The following SLC24A4 variants were observed in gnomAD, a reference collection of about 807,000 sequenced individuals.
The protein encoded by SLC24A4 is solute carrier family 24 member 4, also known as sodium/potassium/calcium exchanger 4.
Under a neutral mutation model 79.0 loss-of-function variants are expected in SLC24A4, and 53 were observed. That is an observed-to-expected ratio of 0.67 (90% CI 0.54 to 0.84). The LOEUF (loss-of-function observed/expected upper bound fraction) is 0.84. SLC24A4 is among the 40% of genes least tolerant of loss of function. SLC24A4 has a pLI of 0.00. For synonymous variants in SLC24A4, 323 were observed against 323.8 expected, an observed-to-expected ratio of 1.00 and a Z score of 0.03; for missense variants, 731 against 822.0, an observed-to-expected ratio of 0.89 and a Z score of 1.35.
intron 2 of SLC24A4, among the ~76,000 whole-genome samples, chr14:92,331,193 T>C (rs1885456985): frequency 6.6e-6 from 1 of 152,238 alleles, no homozygotes; most frequent in Non-Finnish European, 1.5e-5. Flanking sequence ...AGGCTTTCCC[T>C]GGTAACCCAG....
At chr14:92,364,997 C>T (rs764218901) in intron 2 of SLC24A4, among the ~76,000 whole-genome samples, 8 of 152,212 alleles carry the variant, frequency 5.3e-5, no homozygotes, top group Non-Finnish European at 1.0e-4. Context: ...AGGACTTCTC[C>T]CTCCCTATCC....
rs745380992 is a variant in SLC24A4 at position 92,325,990 on chromosome 14, A to C, written c.241+12A>C. Reference sequence around the variant, plus strand: ...CTGCACAGATCCTGGTAAGAAATCAATTCTTCTCCACTCAGTCTACTAAGA... The same window carrying C: ...CTGCACAGATCCTGGTAAGAAATCACTTCTTCTCCACTCAGTCTACTAAGA... On this transcript the variant is annotated intron_variant, in intron 2 of 16. Transcript: ENST00000532405. 3 of 1,563,902 alleles carry C rather than the reference A, an allele frequency of 1.9e-6. No individual in the cohort carries two copies. Among genetic ancestry groups the C allele is most frequent in the Non-Finnish European group, 2.6e-6 (3 of 1,136,930 alleles).
intron 2 of SLC24A4, among the ~76,000 whole-genome samples, chr14:92,364,812 C>T (rs1236366393): frequency 6.6e-6 from 1 of 152,232 alleles, no homozygotes; most frequent in Non-Finnish European, 1.5e-5. Flanking sequence ...GCTCCTGCTC[C>T]ATCATAGCCA....
At chr14:92,447,244 TG>T in intron 8 of SLC24A4, 126 bp from the exon 9 acceptor site, 2 of 773,120 alleles carry the variant, frequency 2.6e-6, no homozygotes, top group Non-Finnish European at 2.2e-6. Context: ...GCCTGGGTTC[TG>T]GGCCCGGCAC....
chr14:92,487,025 C>T (rs1895405416), intron 14 of SLC24A4, among the ~76,000 whole-genome samples: 1 of 152,106 alleles, frequency 6.6e-6, no homozygotes, highest in African/African-American at 2.4e-5. Flanking sequence ...TGTATAAAAA[C>T]AAAAATGTTC....
chr14:92,447,017 AG>A (rs1448932542), intron 8 of SLC24A4, among the ~76,000 whole-genome samples: 9 of 152,092 alleles, frequency 5.9e-5, no homozygotes, highest in African/African-American at 2.2e-4. Flanking sequence ...AGGGTCTCTC[AG>A]GGTCGAGTTT....
intron 2 of SLC24A4, among the ~76,000 whole-genome samples, chr14:92,336,535 G>A (rs149052585): frequency 5.9e-4 from 90 of 152,310 alleles, no homozygotes; most frequent in African/African-American, 2.0e-3. Flanking sequence ...AGCACAGTGT[G>A]TGGCTCCAGC....
intron 12 of SLC24A4, among the ~76,000 whole-genome samples, chr14:92,458,445 A>G (rs1358905610): frequency 6.6e-6 from 1 of 152,146 alleles, no homozygotes; most frequent in Non-Finnish European, 1.5e-5. Context: ...GGCCCTGCTC[A>G]GCCAGTCTGG....
At chr14:92,479,051 A>C (rs1894920148) in intron 12 of SLC24A4, among the ~76,000 whole-genome samples, 1 of 152,236 alleles carries the variant, frequency 6.6e-6, no homozygotes, top group South Asian at 2.1e-4. Context: ...ATATCTTACA[A>C]ATTGGCTGAA....
intron 2 of SLC24A4, among the ~76,000 whole-genome samples, chr14:92,356,635 G>C (rs1346292370): frequency 2.0e-5 from 3 of 152,216 alleles, no homozygotes; most frequent in Non-Finnish European, 4.4e-5. Context: ...ATTAATACAT[G>C]TAAGTCACAT....
intron 2 of SLC24A4, among the ~76,000 whole-genome samples, chr14:92,334,081 C>A (rs1302903563): frequency 1.3e-5 from 2 of 152,216 alleles, no homozygotes; most frequent in Admixed American, 1.3e-4. Context: ...GGATTCTGAA[C>A]AAACGTCTGT....
chr14:92,436,423 C>A (rs896887643), intron 3 of SLC24A4, among the ~76,000 whole-genome samples: 2 of 145,960 alleles, frequency 1.4e-5, no homozygotes, highest in African/African-American at 5.1e-5. Context: ...AATATTATCA[C>A]CCCCATACCA....
At chr14:92,460,284 C>T (rs915327614) in intron 12 of SLC24A4, among the ~76,000 whole-genome samples, 11 of 152,252 alleles carry the variant, frequency 7.2e-5, no homozygotes, top group Non-Finnish European at 1.2e-4. Context: ...CACAAAGTGG[C>T]GGGTGACGGC....
intron 2 of SLC24A4, among the ~76,000 whole-genome samples, chr14:92,372,867 C>CCCTCCCTTCCTTCCTTCCTT (rs1555363099): frequency 9.1e-6 from 1 of 109,814 alleles, no homozygotes; most frequent in Non-Finnish European, 1.9e-5. Flanking sequence ...GGGTCACTGT[C>CCCTCCCTTCCTTCCTTCCTT]CCTTCCTTCC....
chr14:92,417,324 A>C (rs1891033967), intron 2 of SLC24A4, among the ~76,000 whole-genome samples: 1 of 152,194 alleles, frequency 6.6e-6, no homozygotes, highest in Non-Finnish European at 1.5e-5. Context: ...TTGATTTAAA[A>C]ATTTAAAAAG....
At chr14:92,492,660 T>G (rs1306395492) in intron 16 of SLC24A4, among the ~76,000 whole-genome samples, 2 of 152,132 alleles carry the variant, frequency 1.3e-5, no homozygotes, top group Admixed American at 6.5e-5. Context: ...CGTCACTTTA[T>G]TCTATCCTTA....
At chr14:92,454,999 G>A (rs941298218) in intron 11 of SLC24A4, among the ~76,000 whole-genome samples, 4 of 150,918 alleles carry the variant, frequency 2.7e-5, no homozygotes, top group Non-Finnish European at 4.5e-5. Flanking sequence ...GGGATTTATA[G>A]TATCTTTTTC....
At chr14:92,363,279 G>A (rs1887638503) in intron 2 of SLC24A4, among the ~76,000 whole-genome samples, 2 of 152,176 alleles carry the variant, frequency 1.3e-5, no homozygotes, top group Non-Finnish European at 2.9e-5. Context: ...ACAAGGAATC[G>A]GGGTACAGTT....
At chr14:92,410,133 G>T (rs910085452) in intron 2 of SLC24A4, among the ~76,000 whole-genome samples, 1 of 152,042 alleles carries the variant, frequency 6.6e-6, no homozygotes, top group Non-Finnish European at 1.5e-5. Context: ...TCCCTGTGAC[G>T]CAAGTTTACC....
Sources: allele counts gnomAD v4.1 joint callset (sites outside exome capture counted in the v4.1 genomes callset), GRCh38; gene constraint gnomAD v4.1.1; transcripts MANE v1.5; gene names NCBI Gene and HGNC (gene_info 2026-07-23, HGNC 2026-07-21).